The following OTOG variants were observed in gnomAD, a reference collection of about 807,000 sequenced individuals.
OTOG encodes the protein otogelin.
OTOG carries 296 observed loss-of-function variants against 313.8 expected under a neutral mutation model. That is an observed-to-expected ratio of 0.94 (90% confidence interval 0.86 to 1.04). The LOEUF (loss-of-function observed/expected upper bound fraction) is 1.04, where lower values mean the gene tolerates loss of function less well. Among genes scored for constraint, OTOG ranks in the 50% least tolerant of loss-of-function variants. The probability of loss-of-function intolerance (pLI) is 0.00; values close to 1 mark genes in which losing one functional copy is unlikely to be tolerated. For missense variants in OTOG, 3,948 were observed against 3,840.1 expected, an observed-to-expected ratio of 1.03 and a Z score of -0.74; for synonymous variants, 1,533 against 1,554.9, an observed-to-expected ratio of 0.99 and a Z score of 0.33.
intron 19 of OTOG, among the ~76,000 whole-genome samples, chr11:17,573,968 A>G (rs1852461108): frequency 6.6e-6 from 1 of 152,200 alleles, no homozygotes; most frequent in African/African-American, 2.4e-5. Flanking sequence ...CCCTGGCTGC[A>G]TATTAGAGTT....
At position 17,608,278 on chromosome 11, in the gene OTOG, C is replaced by T. The variant is rs1853437823; in HGVS notation, c.4157-18C>T. 1.3e-6 allele frequency: 2 copies of T among 1,491,474 alleles called. No individual in the cohort carries two copies. Among genetic ancestry groups the T allele is most frequent in the Admixed American group, 2.2e-5 (1 of 46,346 alleles). The allele number at this position is 1,491,474 out of a possible 1,614,324, so 92.4% of individuals were successfully genotyped here. A position where few individuals can be genotyped will look rare whatever the true frequency, so the allele number is the denominator to read the frequency against. On this transcript the variant is annotated intron_variant, in intron 33 of 55. Transcript: ENST00000399397. ...GTCTTCACCTGACCCAGAGTTGCTG[C>T]CCCATCTCACTTTCTAGATGCCAAG...
intron 12 of OTOG, among the ~76,000 whole-genome samples, chr11:17,559,960 C>T (rs993263963): frequency 1.4e-5 from 2 of 145,786 alleles, no homozygotes; most frequent in African/African-American, 2.8e-5. Context: ...AAACAATTAA[C>T]AAATGAATAA....
intron 24 of OTOG, 51 bp from the exon 25 acceptor site, chr11:17,591,399 A>G (rs528906045): frequency 1.9e-6 from 3 of 1,543,818 alleles, no homozygotes; most frequent in East Asian, 4.9e-5. Flanking sequence ...ATGAGTATTC[A>G]GGTATGGGGT....
rs149883551 is a variant in OTOG, at chr11:17,621,595, G to GCT, written c.6529-7519_6529-7518dup. ...GAGGGGGATTCTGCAAAGCTTCAGAGCTCTCTCTCTCTCTCTCTCTGTCTG... is the reference window on the plus strand; with the variant it reads ...GAGGGGGATTCTGCAAAGCTTCAGAGCTCTCTCTCTCTCTCTCTCTCTGTCTG... On this transcript the variant is annotated intron_variant, in intron 39 of 55. Transcript: ENST00000399397. Among the ~76,000 whole-genome samples, 779 of 148,814 alleles carry GCT rather than the reference G, an allele frequency of 5.2e-3. 4 individuals carry two copies. Among genetic ancestry groups the GCT allele is most frequent in the African/African-American group, 0.011 (467 of 40,618 alleles).
chr11:17,569,597 C>T (rs1173948412), intron 16 of OTOG, among the ~76,000 whole-genome samples: 1 of 152,118 alleles, frequency 6.6e-6, no homozygotes, highest in African/African-American at 2.4e-5. Context: ...TCTGATTCCA[C>T]AAGGAACTTA....
intron 19 of OTOG, 71 bp from the exon 20 acceptor site, chr11:17,574,649 A>T: frequency 7.1e-7 from 1 of 1,402,406 alleles, no homozygotes; most frequent in East Asian, 2.7e-5. Context: ...CCTCATCAGA[A>T]TGACAGCCCC....
chr11:17,576,477 G>C (rs1397963192), intron 20 of OTOG, 79 bp from the exon 21 acceptor site: 3 of 1,178,294 alleles, frequency 2.5e-6, no homozygotes, highest in East Asian at 5.1e-5. Context: ...GGTTGGCTGA[G>C]GGTGGGGTCC....
intron 7 of OTOG, 43 bp from the exon 8 acceptor site, chr11:17,557,075 G>A: frequency 6.5e-7 from 1 of 1,531,758 alleles, no homozygotes; most frequent in South Asian, 1.2e-5. Flanking sequence ...TGGGCTAGTG[G>A]AGGTGTTGTG....
intron 54 of OTOG, among the ~76,000 whole-genome samples, chr11:17,644,159 C>G (rs900020774): frequency 6.6e-6 from 1 of 152,266 alleles, no homozygotes. Flanking sequence ...ATCCCCTGGG[C>G]TTGCATGGGA....
In OTOG at chr11:17,631,426, C is replaced by CAT. The variant is rs35706066; in HGVS notation, c.6713-263_6713-262dup. On this transcript the variant is annotated intron_variant, in intron 40 of 55. Transcript: ENST00000399397. ...TACATTTTTATATGCACATGCAATA[C>CAT]ATATATATATATATGCATTTTTCGG... 0.023 allele frequency among the ~76,000 whole-genome samples: 3,468 copies of CAT among 149,126 alleles called. 66 individuals are homozygous for CAT. Among genetic ancestry groups the CAT allele is most frequent in the African/African-American group, 0.052 (2,081 of 40,248 alleles).
intron 39 of OTOG, among the ~76,000 whole-genome samples, chr11:17,626,595 C>T (rs1853991553): frequency 6.6e-6 from 1 of 152,158 alleles, no homozygotes; most frequent in South Asian, 2.1e-4. Context: ...ATAGCTTTGG[C>T]TATTCTGGGT....
At chr11:17,602,158 G>A (rs1226900856) in intron 31 of OTOG, 52 bp from the exon 32 acceptor site, 2 of 1,541,274 alleles carry the variant, frequency 1.3e-6, no homozygotes, top group Non-Finnish European at 1.7e-6. Context: ...AGGAGGTATG[G>A]GAGGTGGGCA....
chr11:17,635,756 C>A, intron 47 of OTOG, 45 bp downstream of exon 47: 1 of 1,480,574 alleles, frequency 6.8e-7, no homozygotes, highest in Non-Finnish European at 9.2e-7. Flanking sequence ...AGGAAGGGGC[C>A]CTTCACAGAG....
rs1192291937 is a variant in OTOG, at chr11:17,574,825, A to G, written c.2399A>G (p.Asp800Gly). The G allele has an allele frequency of 2.6e-6, 4 of 1,550,176 alleles. No homozygotes were observed. The highest frequency in any genetic ancestry group is 2.0e-5 in the Admixed American group (1 of 50,916). ...SPEACGVDGG[D>G]DLSRDECVEG... ...GAGGCCTGTGGGGTTGATGGTGGCG[A>G]TGACCTGAGCAGAGACGAGTGTGTG... The change falls in exon 20 of 56, where the codon GAT (aspartate) becomes GGT (glycine). Residue 800 changes from aspartate to glycine, a missense_variant. Coordinates refer to ENST00000399397, the MANE Select transcript of OTOG (RefSeq NM_001292063.2).
chr11:17,635,485 A>T, intron 46 of OTOG, 125 bp from the exon 47 acceptor site: 1 of 730,014 alleles, frequency 1.4e-6, no homozygotes, highest in Middle Eastern at 2.4e-4. Flanking sequence ...AGACCATGCG[A>T]TGCTGCCATT....
At chr11:17,558,000 A>G (rs1243338405) in intron 8 of OTOG, among the ~76,000 whole-genome samples, 185 bp from the exon 9 acceptor site, 2 of 152,150 alleles carry the variant, frequency 1.3e-5, no homozygotes, top group African/African-American at 2.4e-5. Context: ...GGCTATTACT[A>G]TCAAACAGCT....
chr11:17,581,765 C>A (rs1035214768), intron 23 of OTOG, among the ~76,000 whole-genome samples: 1 of 152,142 alleles, frequency 6.6e-6, no homozygotes, highest in Non-Finnish European at 1.5e-5. Context: ...AATGTTGGCG[C>A]CCTATATATT....
At chr11:17,626,578 G>A (rs1325796070) in intron 39 of OTOG, among the ~76,000 whole-genome samples, 1 of 152,128 alleles carries the variant, frequency 6.6e-6, no homozygotes, top group Non-Finnish European at 1.5e-5. Context: ...TGTCCTTTTT[G>A]CTCAGAATAG....
Position 17,576,884 on chromosome 11 carries a change from G to A in OTOG, c.2578G>A (p.Val860Ile). 1 of 1,550,526 alleles carries A rather than the reference G, an allele frequency of 6.4e-7. No individual in the cohort carries two copies. The change falls in exon 22 of 56, where the codon GTC (valine) becomes ATC (isoleucine). Residue 860 changes from valine (V) to isoleucine (I), a missense_variant. By Grantham distance (29) the Val-to-Ile change is conservative. Transcript: ENST00000399397. ...SLGHCHCKDG[V>I]MSCDSRAPAA... ...TCTCTGCAGCCACTGCAAAGATGGAGTCATGAGCTGTGATAGCAGAGCCCC... is the reference window on the plus strand; with the variant it reads ...TCTCTGCAGCCACTGCAAAGATGGAATCATGAGCTGTGATAGCAGAGCCCC...
Sources: gnomAD v4.1 joint callset for allele counts (sites outside exome capture counted in the v4.1 genomes callset) on GRCh38, gnomAD v4.1.1 for gene constraint, MANE v1.5 for transcripts, NCBI Gene and HGNC (gene_info 2026-07-23, HGNC 2026-07-21) for gene names.